The following BCAR1 variants were observed in gnomAD, a reference collection of about 807,000 sequenced individuals.
BCAR1 encodes the protein BCAR1 scaffold protein, Cas family member.
Under a neutral mutation model 67.6 loss-of-function variants are expected in BCAR1, and 30 were observed. That is an observed-to-expected ratio of 0.44 (90% confidence interval 0.33 to 0.60). The LOEUF is 0.60. BCAR1 is among the 20% of genes least tolerant of loss of function. BCAR1 has a pLI of 0.02. For synonymous variants in BCAR1, 626 were observed against 556.7 expected, an observed-to-expected ratio of 1.12 and a Z score of -1.75; for missense variants, 1,313 against 1,222.3, an observed-to-expected ratio of 1.07 and a Z score of -1.11.
rs1211885646 is a variant in BCAR1 at position 75,233,848 on chromosome 16, G to C, written c.2098C>G (p.Gln700Glu). 1 of 1,603,436 alleles carries C rather than the reference G, an allele frequency of 6.2e-7. No individual in the cohort carries two copies. The highest frequency in any genetic ancestry group is 1.3e-5 in the African/African-American group (1 of 74,768). The change falls in exon 6 of 7, where the codon CAG (glutamine) becomes GAG (glutamate). Residue 700 changes from glutamine to glutamate, a missense_variant and splice_region_variant. Physicochemically the swap from Gln to Glu is conservative, Grantham distance 29. Transcript: ENST00000162330. ...CTTGCTCTGCTCCGGGGCCTCACCTGCTGCAACTCCAGCTGGCTCTTGCCC... is the reference window on the plus strand; with the variant it reads ...CTTGCTCTGCTCCGGGGCCTCACCTCCTGCAACTCCAGCTGGCTCTTGCCC... ...RQGKSQLELQ[Q>E]LKQFERLEQE...
chr16:75,237,890 G>A (rs1270470981), intron 2 of BCAR1, among the ~76,000 whole-genome samples: 2 of 152,212 alleles, frequency 1.3e-5, no homozygotes, highest in South Asian at 2.1e-4. Flanking sequence ...CACAGCATGG[G>A]GAGACTCTGG....
At chr16:75,253,195 C>T (rs139631171), upstream of BCAR1, among the ~76,000 whole-genome samples, 7 of 152,258 alleles carry the variant, frequency 4.6e-5, no homozygotes, top group African/African-American at 9.6e-5. Flanking sequence ...AGAGCTGTGC[C>T]GGGCCCCTCC....
chr16:75,251,853 G>T, upstream of BCAR1: 1 of 264,676 alleles, frequency 3.8e-6, no homozygotes, highest in Non-Finnish European at 6.4e-6. Flanking sequence ...AGCCTAGGGC[G>T]CAGGACACCG....
At chr16:75,243,201 G>T (rs994014387) in intron 1 of BCAR1, 111 bp from the exon 2 acceptor site, 3 of 1,157,446 alleles carry the variant, frequency 2.6e-6, no homozygotes, top group African/African-American at 1.6e-5. Flanking sequence ...ACTAGGAAAA[G>T]AACTCAGTGG....
intron 1 of BCAR1, among the ~76,000 whole-genome samples, chr16:75,244,293 G>A (rs1161611210): frequency 6.6e-6 from 1 of 152,254 alleles, no homozygotes; most frequent in Non-Finnish European, 1.5e-5. Context: ...ATCCCCACTT[G>A]GGCCCAAGTC....
rs778957048 is a variant in BCAR1 at position 75,235,520 on chromosome 16, A to G, written c.1379T>C (p.Val460Ala). Residue 460 changes from valine to alanine, a missense_variant, in exon 5 of 7, where the codon GTG becomes GCG. Physicochemically the swap from Val to Ala is moderately conservative, Grantham distance 64 (BLOSUM62 0). Transcript: ENST00000162330. ...CTGCTGCAGCCGTGCCAGGGCCTCC[A>G]CAGCAACTTCCAGCTCCAGGGGTTC... ...GREPLELEVA[V>A]EALARLQQGV... 3 of 1,596,400 alleles carry G rather than the reference A, an allele frequency of 1.9e-6. No individual in the cohort carries two copies. Among genetic ancestry groups the G allele is most frequent in the Non-Finnish European group, 2.6e-6 (3 of 1,172,228 alleles).
chr16:75,235,862 A>T lies in BCAR1; in HGVS notation c.1037T>A (p.Leu346Gln). 1 of 1,566,308 alleles carries T rather than the reference A, an allele frequency of 6.4e-7. No homozygotes were observed. Among genetic ancestry groups the T allele is most frequent in the Non-Finnish European group, 8.6e-7 (1 of 1,157,024 alleles). The change falls in exon 5 of 7, where the codon CTG (leucine) becomes CAG (glutamine). Residue 346 changes from leucine (L) to glutamine (Q), a missense_variant. This residue lies in a region of BCAR1 where 1,272 missense variants were observed against 1,137.5 expected (regional missense o/e 1.12). Transcript: ENST00000162330. ...AKPFDPARTP[L>Q]VLAAPPPDSP... ...GTCTGGAGGGGGCGCAGCCAGTACC[A>T]GTGGGGTGCGGGCCGGGTCAAAGGG...
intron 1 of BCAR1, among the ~76,000 whole-genome samples, chr16:75,250,404 G>A (rs963878429): frequency 3.9e-5 from 6 of 152,208 alleles, no homozygotes; most frequent in African/African-American, 7.2e-5. Context: ...AAGAGGGGGC[G>A]TGTCCCGGCC....
rs974867909 is a variant in BCAR1 at position 75,229,840 on chromosome 16, C to T, written c.2284G>A (p.Val762Met). The T allele has an allele frequency of 6.2e-6, 10 of 1,613,276 alleles. No individual in the cohort carries two copies. The highest frequency in any genetic ancestry group is 2.2e-5 in the East Asian group (1 of 44,896). Residue 762 changes from valine (V) to methionine (M), a missense_variant, in exon 7 of 7, where the codon GTG becomes ATG. Transcript: ENST00000162330. Reference protein sequence around the residue: ...EANLTTLTNAVDAFFTAVATN... With the variant: ...EANLTTLTNAMDAFFTAVATN... ...GCCACGGCGGTAAAGAAGGCGTCCA[C>T]GGCGTTGGTCAGTGTGGTCAGGTTG...
chr16:75,232,218 T>C (rs1197724551), intron 6 of BCAR1, among the ~76,000 whole-genome samples: 3 of 151,876 alleles, frequency 2.0e-5, no homozygotes, highest in Non-Finnish European at 2.9e-5. Flanking sequence ...TGGAGTGCAG[T>C]GGCGCAATCT....
At chr16:75,267,399 G>C (rs556984844) in intron 1 of BCAR1, among the ~76,000 whole-genome samples, 3,464 of 148,082 alleles carry the variant, frequency 0.023, 82 homozygotes, top group Middle Eastern at 0.11. Context: ...CAAGCCGGGG[G>C]GGGGGTGGGG....
chr16:75,238,333 A>G (rs1451134859), intron 2 of BCAR1: 1 of 1,132,432 alleles, frequency 8.8e-7, no homozygotes, highest in Non-Finnish European at 1.1e-6. Context: ...CTCCCTGTTC[A>G]GCTCTCTCCA....
At chr16:75,238,638 C>T (rs1043279643) in intron 2 of BCAR1, 14 of 986,168 alleles carry the variant, frequency 1.4e-5, no homozygotes, top group Admixed American at 6.1e-5. Flanking sequence ...GTCTCCAGCA[C>T]GCCTGGTAGC....
chr16:75,258,009 C>T (rs2077821125), intron 1 of BCAR1, among the ~76,000 whole-genome samples: 1 of 152,202 alleles, frequency 6.6e-6, no homozygotes, highest in Non-Finnish European at 1.5e-5. Flanking sequence ...GACCAGCAGC[C>T]CTGCCCACCC....
At position 75,229,861 on chromosome 16, in the gene BCAR1, G is replaced by C. The variant is rs1273787431; in HGVS notation, c.2263C>G (p.Leu755Val). The C allele has an allele frequency of 1.2e-6, 2 of 1,613,228 alleles. No homozygotes were observed. The highest frequency in any genetic ancestry group is 2.2e-5 in the East Asian group (1 of 44,894). Reference sequence around the variant, plus strand: ...TCCACGGCGTTGGTCAGTGTGGTCAGGTTGGCCTCACACTGCTCCAGGTAG... The same window carrying C: ...TCCACGGCGTTGGTCAGTGTGGTCACGTTGGCCTCACACTGCTCCAGGTAG... ...LFYLEQCEAN[L>V]TTLTNAVDAF... Residue 755 changes from leucine to valine, a missense_variant, in exon 7 of 7, where the codon CTG (leucine) becomes GTG (valine). Leu to Val is a conservative substitution (Grantham distance 32). Coordinates refer to ENST00000162330, the MANE Select transcript of BCAR1 (RefSeq NM_014567.5).
At position 75,235,606 on chromosome 16, in the gene BCAR1, G is replaced by A. The variant is rs1429014329; in HGVS notation, c.1293C>T (p.Ser431=). 2 of 1,595,334 alleles carry A rather than the reference G, an allele frequency of 1.3e-6. No individual in the cohort carries two copies. Among genetic ancestry groups the A allele is most frequent in the Admixed American group, 1.7e-5 (1 of 58,056 alleles). Residue 431 remains serine (S), a synonymous_variant, in exon 5 of 7, where the codon AGC becomes AGT. Coordinates refer to ENST00000162330, the MANE Select transcript of BCAR1 (RefSeq NM_014567.5). ...PAEGKRLSAS[S]TGSTRSSQSA... ...ACTGGCTGCTGCGTGTGCTGCCGGT[G>A]CTGGAGGCCGACAGGCGCTTGCCCT...
At chr16:75,243,391 C>A in intron 1 of BCAR1, 1 of 615,506 alleles carries the variant, frequency 1.6e-6, no homozygotes, top group Non-Finnish European at 3.0e-6. Flanking sequence ...AAGCCCCACC[C>A]AAGGCCACTC....
intron 1 of BCAR1, among the ~76,000 whole-genome samples, chr16:75,265,488 G>GCACCA (rs2077988062): frequency 6.6e-6 from 1 of 152,142 alleles, no homozygotes; most frequent in Non-Finnish European, 1.5e-5. Context: ...GGGTCCTGGC[G>GCACCA]GGCAACAGAC....
upstream of BCAR1, among the ~76,000 whole-genome samples, chr16:75,254,107 C>T (rs1209054902): frequency 6.6e-6 from 1 of 152,106 alleles, no homozygotes; most frequent in Non-Finnish European, 1.5e-5. Context: ...AGCCTAGCCC[C>T]ATTTTTCACA....
Sources: gnomAD v4.1 joint callset for allele counts (sites outside exome capture counted in the v4.1 genomes callset) on GRCh38, gnomAD v4.1.1 for gene constraint, gnomAD v4.1.1 regional missense constraint, MANE v1.5 for transcripts, NCBI Gene and HGNC (gene_info 2026-07-23, HGNC 2026-07-21) for gene names.